Variants in LNPK observed in about 807,000 individuals in gnomAD.
LNPK encodes lunapark, ER junction formation factor, also known as endoplasmic reticulum junction formation protein lunapark.
LNPK carries 29 observed loss-of-function variants against 55.2 expected under a neutral mutation model. The observed-to-expected ratio is 0.53, with a 90% CI of 0.39 to 0.72. LNPK has a LOEUF of 0.72. LNPK is among the 30% of genes least tolerant of loss of function. The probability of loss-of-function intolerance (pLI) is 0.00; values close to 1 mark genes in which losing one functional copy is unlikely to be tolerated. For synonymous variants in LNPK, 162 were observed against 168.2 expected, an observed-to-expected ratio of 0.96 and a Z score of 0.29; for missense variants, 467 against 494.8, an observed-to-expected ratio of 0.94 and a Z score of 0.53.
intron 2 of LNPK, 31 bp downstream of exon 2, chr2:175,995,527 C>A (rs1687889956): frequency 1.3e-6 from 2 of 1,572,296 alleles, no homozygotes; most frequent in African/African-American, 1.4e-5. Flanking sequence ...ATATTAGACT[C>A]AAGAACTAGC....
At chr2:175,956,834 C>T (rs1256850781) in intron 8 of LNPK, among the ~76,000 whole-genome samples, 1 of 152,096 alleles carries the variant, frequency 6.6e-6, no homozygotes, top group Non-Finnish European at 1.5e-5. Flanking sequence ...ATCAAATTAT[C>T]TAACACATGA....
At chr2:175,948,507 A>C (rs1685254300) in intron 8 of LNPK, among the ~76,000 whole-genome samples, 1 of 152,172 alleles carries the variant, frequency 6.6e-6, no homozygotes, top group African/African-American at 2.4e-5. Context: ...GGCTCTTTAC[A>C]AAAAAAGTTT....
At chr2:175,974,113 TAAG>T (rs1208772055) in intron 5 of LNPK, among the ~76,000 whole-genome samples, 1 of 152,204 alleles carries the variant, frequency 6.6e-6, no homozygotes, top group African/African-American at 2.4e-5. Context: ...AATATGATGA[TAAG>T]TAGTTAGTAT....
At chr2:175,946,903 T>C (rs1685153953) in intron 9 of LNPK, among the ~76,000 whole-genome samples, 1 of 152,034 alleles carries the variant, frequency 6.6e-6, no homozygotes, top group Non-Finnish European at 1.5e-5. Flanking sequence ...GATCTTCCCC[T>C]AGAGATCCAC....
At position 175,930,067 on chromosome 2, in the gene LNPK, T is replaced by C; in HGVS notation, c.1187A>G (p.Glu396Gly). The change falls in exon 13 of 13, where the codon GAG (glutamate) becomes GGG (glycine). Residue 396 changes from glutamate (E) to glycine (G), a missense_variant. Glu to Gly is a moderately conservative substitution (Grantham distance 98). Transcript: ENST00000272748. ...SEEPEEKQET[E>G]NEEASVIETN... The stretch of plus-strand genomic sequence containing the variant: ...TTCAATCACTGAGGCTTCCTCATTC[T>C]CAGTCTCTTGTTTCTCCTCTGGTTC... 1.2e-6 allele frequency: 2 copies of C among 1,614,140 alleles called. No individual in the cohort carries two copies. The highest frequency in any genetic ancestry group is 1.7e-6 in the Non-Finnish European group (2 of 1,179,986).
At chr2:175,961,655 C>T (rs1221431580) in intron 8 of LNPK, among the ~76,000 whole-genome samples, 1 of 152,150 alleles carries the variant, frequency 6.6e-6, no homozygotes, top group African/African-American at 2.4e-5. Context: ...GGCAGGGATG[C>T]CCTCTCTCAC....
intron 6 of LNPK, among the ~76,000 whole-genome samples, chr2:175,966,181 A>G (rs112680852): frequency 1.6e-3 from 251 of 152,216 alleles, no homozygotes; most frequent in African/African-American, 5.8e-3. Flanking sequence ...TCTCTGCCTC[A>G]GGCTCCCAAG....
intron 3 of LNPK, 68 bp downstream of exon 3, chr2:175,993,114 T>A: frequency 1.0e-6 from 1 of 970,650 alleles, no homozygotes; most frequent in East Asian, 2.8e-5. Context: ...TCCAAAATAA[T>A]ATATACTACA....
At chr2:175,945,314 G>A (rs1054789704) in intron 9 of LNPK, among the ~76,000 whole-genome samples, 1 of 150,670 alleles carries the variant, frequency 6.6e-6, no homozygotes, top group South Asian at 2.1e-4. Context: ...GTCTGAGAAC[G>A]GCCTGGCCAA....
intron 8 of LNPK, among the ~76,000 whole-genome samples, chr2:175,948,165 A>G (rs559454011): frequency 6.6e-6 from 1 of 152,338 alleles, no homozygotes; most frequent in African/African-American, 2.4e-5. Context: ...CTGAAAAAGT[A>G]TTTTTACTAT....
intron 10 of LNPK, among the ~76,000 whole-genome samples, chr2:175,939,008 T>C (rs141520186): frequency 0.011 from 1,628 of 152,236 alleles, 13 homozygotes; most frequent in Admixed American, 0.02. Context: ...AAACACTAAA[T>C]TCTCATTCCT....
chr2:175,938,967 T>G (rs1684681168), intron 10 of LNPK, among the ~76,000 whole-genome samples: 2 of 152,122 alleles, frequency 1.3e-5, no homozygotes, highest in South Asian at 4.2e-4. Flanking sequence ...CAAATGTCAT[T>G]CTATTTTGAA....
At chr2:175,937,589 G>C in intron 11 of LNPK, 75 bp from the exon 12 acceptor site, 1 of 1,045,334 alleles carries the variant, frequency 9.6e-7, no homozygotes, top group Non-Finnish European at 1.4e-6. Flanking sequence ...TAACTCACAA[G>C]ATCACTTTTG....
chr2:175,944,071 T>C (rs2105552206), intron 9 of LNPK, among the ~76,000 whole-genome samples: 1 of 152,236 alleles, frequency 6.6e-6, no homozygotes, highest in East Asian at 1.9e-4. Flanking sequence ...AATAAATTAG[T>C]TTATCAAGGT....
chr2:175,952,421 T>C (rs950504144), intron 8 of LNPK, among the ~76,000 whole-genome samples: 1 of 151,926 alleles, frequency 6.6e-6, no homozygotes, highest in Admixed American at 6.6e-5. Context: ...TCAGGTAAAT[T>C]TCTATTGTTT....
chr2:175,935,671 C>A, intron 12 of LNPK: 1 of 437,784 alleles, frequency 2.3e-6, no homozygotes, highest in South Asian at 9.5e-5. Flanking sequence ...AGTTATCAAA[C>A]CCTGCCTCCA....
chr2:175,979,711 C>T, intron 5 of LNPK, 99 bp downstream of exon 5: 1 of 1,018,552 alleles, frequency 9.8e-7, no homozygotes, highest in Admixed American at 3.1e-5. Context: ...ATACTTAACA[C>T]ATTATCATTC....
At chr2:175,966,972 C>T (rs1246027709) in intron 6 of LNPK, among the ~76,000 whole-genome samples, 1 of 152,100 alleles carries the variant, frequency 6.6e-6, no homozygotes, top group Non-Finnish European at 1.5e-5. Context: ...TCAGAATGGG[C>T]CTGAAACAAA....
intron 8 of LNPK, among the ~76,000 whole-genome samples, chr2:175,948,409 C>A (rs1466761757): frequency 6.6e-6 from 1 of 152,204 alleles, no homozygotes; most frequent in East Asian, 1.9e-4. Flanking sequence ...CTTTTGTTTA[C>A]AGATTGTCTA....
Sources: allele counts gnomAD v4.1 joint callset (sites outside exome capture counted in the v4.1 genomes callset), GRCh38; gene constraint gnomAD v4.1.1; transcripts MANE v1.5; gene names NCBI Gene and HGNC (gene_info 2026-07-23, HGNC 2026-07-21).